SCEL: variants seen among roughly 807,000 people sequenced by gnomAD.
SCEL encodes sciellin.
A neutral mutation model predicts 117.6 loss-of-function variants in SCEL; 113 were observed. The observed-to-expected ratio is 0.96, with a 90% CI of 0.83 to 1.12. SCEL has a LOEUF of 1.12. Among genes scored for constraint, SCEL ranks in the 50% most tolerant of loss-of-function variants. The pLI, the probability that SCEL is intolerant of heterozygous loss-of-function variation, is 0.00. For synonymous variants in SCEL, 270 were observed against 256.2 expected (o/e 1.05, Z -0.51); for missense variants, 785 against 810.8 (o/e 0.97, Z 0.39).
chr13:77,567,518 G>T (rs967850632), intron 5 of SCEL, among the ~76,000 whole-genome samples, 162 bp from the exon 6 acceptor site: 1 of 152,112 alleles, frequency 6.6e-6, no homozygotes, highest in Non-Finnish European at 1.5e-5. Flanking sequence ...GTCATAAGTG[G>T]TTTCTTTTTA....
intron 9 of SCEL, among the ~76,000 whole-genome samples, chr13:77,587,467 C>G (rs964893013): frequency 6.6e-6 from 1 of 152,098 alleles, no homozygotes; most frequent in Non-Finnish European, 1.5e-5. Context: ...TACTTTACTG[C>G]CAAACTGCCT....
At chr13:77,564,128 T>C (rs1299127745) in intron 5 of SCEL, among the ~76,000 whole-genome samples, 1 of 152,004 alleles carries the variant, frequency 6.6e-6, no homozygotes, top group East Asian at 1.9e-4. Context: ...GAAATATTCT[T>C]AGAGACACTG....
intron 9 of SCEL, among the ~76,000 whole-genome samples, chr13:77,587,621 C>T (rs1960498136): frequency 6.6e-6 from 1 of 152,092 alleles, no homozygotes; most frequent in Non-Finnish European, 1.5e-5. Context: ...GGTAATTTCC[C>T]AGTCCTTGTT....
chr13:77,635,822 C>G (rs750030453), intron 29 of SCEL, among the ~76,000 whole-genome samples: 3 of 152,036 alleles, frequency 2.0e-5, no homozygotes, highest in Non-Finnish European at 4.4e-5. Flanking sequence ...AAAGCATAGT[C>G]TCTGGGCCAG....
At chr13:77,599,476 C>A in intron 14 of SCEL, 88 bp downstream of exon 14, 3 of 1,152,292 alleles carry the variant, frequency 2.6e-6, no homozygotes, top group South Asian at 1.3e-5. Context: ...GGGGTTGTAT[C>A]CTCTGGCATG....
At chr13:77,636,372 C>A (rs953479021) in intron 29 of SCEL, among the ~76,000 whole-genome samples, 5 of 152,128 alleles carry the variant, frequency 3.3e-5, no homozygotes, top group African/African-American at 1.2e-4. Context: ...CAGTCTGCCT[C>A]CAGGAAATTT....
chr13:77,634,627 G>A (rs908387417), intron 29 of SCEL, among the ~76,000 whole-genome samples, 177 bp downstream of exon 29: 3 of 151,782 alleles, frequency 2.0e-5, no homozygotes, highest in Non-Finnish European at 4.4e-5. Context: ...TATGTACTTG[G>A]GCTATAAATA....
In SCEL at chr13:77,618,078, T is replaced by G. The variant is rs747970848; in HGVS notation, c.1628+18T>G. 1 of 1,590,566 alleles carries G rather than the reference T, an allele frequency of 6.3e-7. No homozygotes were observed. The highest frequency in any genetic ancestry group is 1.7e-5 in the Admixed American group (1 of 59,920). ...ACTAATCGGTAAATGACCTTGACTA[T>G]CTTGACATGTTTACAAGTTTCTAGG... On this transcript the variant is annotated intron_variant, in intron 27 of 32. Coordinates refer to ENST00000349847, the MANE Select transcript of SCEL (RefSeq NM_144777.3).
chr13:77,559,452 A>G (rs1036841180), intron 3 of SCEL, among the ~76,000 whole-genome samples: 2 of 152,228 alleles, frequency 1.3e-5, no homozygotes, highest in African/African-American at 4.8e-5. Flanking sequence ...ACTTCATGCC[A>G]AAAAGGACTC....
chr13:77,592,661 A>G (rs1296125378), intron 11 of SCEL, among the ~76,000 whole-genome samples: 1 of 149,738 alleles, frequency 6.7e-6, no homozygotes, highest in African/African-American at 2.5e-5. Context: ...TGGGCTCAGG[A>G]GATCCTCCTG....
At chr13:77,586,953 A>C (rs1444205281) in intron 9 of SCEL, among the ~76,000 whole-genome samples, 1 of 152,186 alleles carries the variant, frequency 6.6e-6, no homozygotes, top group Non-Finnish European at 1.5e-5. Flanking sequence ...TAAAGTGCTT[A>C]GAAAAGTTTC....
At chr13:77,562,701 C>T (rs2085053037) in intron 4 of SCEL, among the ~76,000 whole-genome samples, 1 of 152,198 alleles carries the variant, frequency 6.6e-6, no homozygotes, top group Admixed American at 6.5e-5. Flanking sequence ...TTCTAGACTT[C>T]CTTATATTTC....
chr13:77,563,778 T>C (rs1346073655), intron 4 of SCEL, 53 bp from the exon 5 acceptor site: 31 of 1,422,176 alleles, frequency 2.2e-5, no homozygotes, highest in Non-Finnish European at 2.2e-5. Flanking sequence ...TTATAAACTT[T>C]TTTTTTGTAA....
chr13:77,639,103 A>G (rs1344596301), intron 30 of SCEL, among the ~76,000 whole-genome samples: 1 of 152,136 alleles, frequency 6.6e-6, no homozygotes, highest in Non-Finnish European at 1.5e-5. Flanking sequence ...CAGTGGAAAG[A>G]GCATCTTGTC....
chr13:77,582,061 T>C (rs1052660892), intron 9 of SCEL, among the ~76,000 whole-genome samples: 1 of 152,162 alleles, frequency 6.6e-6, no homozygotes, highest in African/African-American at 2.4e-5. Flanking sequence ...AACATTTTGC[T>C]TGGGACTGTC....
At chr13:77,574,646 C>G (rs770833830) in intron 9 of SCEL, among the ~76,000 whole-genome samples, 1 of 152,018 alleles carries the variant, frequency 6.6e-6, no homozygotes, top group Non-Finnish European at 1.5e-5. Context: ...TGAGAAATAG[C>G]CTTTTTAGTA....
At position 77,567,314 on chromosome 13, in the gene SCEL, C is replaced by T. The variant is rs571983029; in HGVS notation, c.291-366C>T. On this transcript the variant is annotated intron_variant, in intron 5 of 32. Transcript: ENST00000349847. ...ACTAAAAATACAACAATTAACTGGG[C>T]GTAGGGGTGCGTGCCTGTAGTTCCA... Among the ~76,000 whole-genome samples the T allele has an allele frequency of 8.9e-4, 135 of 152,110 alleles. 2 individuals are homozygous for T. Among genetic ancestry groups the T allele is most frequent in the Middle Eastern group, 6.8e-3 (2 of 294 alleles).
chr13:77,594,376 C>T (rs1044123239), intron 12 of SCEL, among the ~76,000 whole-genome samples: 2 of 152,206 alleles, frequency 1.3e-5, no homozygotes, highest in Admixed American at 6.5e-5. Context: ...CATTTTCTCT[C>T]TGTAGTTTCC....
intron 30 of SCEL, 103 bp downstream of exon 30, chr13:77,637,297 T>A (rs12860481): frequency 5.2e-6 from 1 of 191,912 alleles, no homozygotes; most frequent in Non-Finnish European, 1.0e-5. Flanking sequence ...CACATATATA[T>A]AAATATATAT....
Sources: gnomAD v4.1 joint callset for allele counts (sites outside exome capture counted in the v4.1 genomes callset) on GRCh38, gnomAD v4.1.1 for gene constraint, MANE v1.5 for transcripts, NCBI Gene and HGNC (gene_info 2026-07-23, HGNC 2026-07-21) for gene names.